The following PMFBP1 variants were observed in gnomAD, a reference collection of about 807,000 sequenced individuals.
PMFBP1 encodes polyamine-modulated factor 1-binding protein 1.
A neutral mutation model predicts 137.8 loss-of-function variants in PMFBP1; 131 were observed. The observed-to-expected ratio is 0.95, with a 90% CI of 0.82 to 1.10. The LOEUF (loss-of-function observed/expected upper bound fraction) is 1.10. PMFBP1 is among the 50% of genes least tolerant of loss of function. PMFBP1 has a pLI of 0.00. For missense variants in PMFBP1, 1,199 were observed against 1,175.4 expected, an observed-to-expected ratio of 1.02 and a Z score of -0.29; for synonymous variants, 490 against 450.4, an observed-to-expected ratio of 1.09 and a Z score of -1.11.
chr16:72,135,116 T>A (rs2042604025), intron 9 of PMFBP1, among the ~76,000 whole-genome samples: 1 of 152,166 alleles, frequency 6.6e-6, no homozygotes, highest in African/African-American at 2.4e-5. Context: ...GCATATCTCC[T>A]CTGTGCCTTG....
rs761435002 is a variant in PMFBP1 at position 72,124,786 on chromosome 16, A to G, written c.2570T>C (p.Leu857Pro). Residue 857 changes from leucine to proline, a missense_variant, in exon 17 of 21, where the codon CTC (leucine) becomes CCC (proline). By Grantham distance (98) the Leu-to-Pro change is moderately conservative. Transcript: ENST00000237353. ...QEEMAALKEN[L>P]LEDDKEPCCL... ...GCCCACCTCCTTATCGTCCTCAAGG[A>G]GGTTCTCTTTTAAGGCGGCCATCTC... 3 of 1,613,944 alleles carry G rather than the reference A, an allele frequency of 1.9e-6. No homozygotes were observed. Among genetic ancestry groups the G allele is most frequent in the East Asian group, 2.2e-5 (1 of 44,868 alleles).
At chr16:72,218,824 T>C in the PMFBP1 span, among the ~76,000 whole-genome samples, 4 of 152,038 alleles carry the variant, frequency 2.6e-5, no homozygotes, top group Non-Finnish European at 5.9e-5. Context: ...AAATAAACCT[T>C]CAGGGAAAAG....
At position 72,154,397 on chromosome 16, in the gene PMFBP1, T is replaced by C. The variant is rs1243643922; in HGVS notation, c.228A>G (p.Lys76=). 1 of 1,614,180 alleles carries C rather than the reference T, an allele frequency of 6.2e-7. No individual in the cohort carries two copies. The highest frequency in any genetic ancestry group is 1.1e-5 in the South Asian group (1 of 91,078). Residue 76 remains lysine, a synonymous_variant, in exon 4 of 21, where the codon AAA becomes AAG. Coordinates refer to ENST00000237353, the MANE Select transcript of PMFBP1 (RefSeq NM_031293.3). ...EESEVEFGSS[K]QCHLRQLQQL... ...GCTGGAGTTGTCTCAGATGACACTG[T>C]TTACTGGACCCAAATTCCACCTCTG... is the stretch of plus-strand genomic sequence containing the variant.
At chr16:72,154,067 A>T in intron 4 of PMFBP1, 144 bp downstream of exon 4, 2 of 1,130,354 alleles carry the variant, frequency 1.8e-6, no homozygotes, top group African/African-American at 3.1e-5. Context: ...AAAAAGATCA[A>T]GAATTAAAGG....
At chr16:72,128,930 C>A in intron 13 of PMFBP1, 136 bp from the exon 14 acceptor site, 1 of 1,504,810 alleles carries the variant, frequency 6.6e-7, no homozygotes, top group Non-Finnish European at 9.0e-7. Flanking sequence ...CTCCCCTCCT[C>A]GCTGGCCTTT....
chr16:72,166,842 GA>G (rs2043151940), intron 2 of PMFBP1, among the ~76,000 whole-genome samples: 1 of 152,204 alleles, frequency 6.6e-6, no homozygotes, highest in South Asian at 2.1e-4. Flanking sequence ...TAGGCAAAGT[GA>G]CTTCAATAGT....
At chr16:72,243,484 C>A in the PMFBP1 span, among the ~76,000 whole-genome samples, 1 of 152,188 alleles carries the variant, frequency 6.6e-6, no homozygotes, top group Non-Finnish European at 1.5e-5. Context: ...TTGCATTCCA[C>A]CAATTGTGCA....
At chr16:72,228,959 A>C in the PMFBP1 span, among the ~76,000 whole-genome samples, 1 of 151,714 alleles carries the variant, frequency 6.6e-6, no homozygotes, top group Non-Finnish European at 1.5e-5. Flanking sequence ...ATCACCCGTA[A>C]TAAGCACAGT....
chr16:72,212,423 C>A, the PMFBP1 span, among the ~76,000 whole-genome samples: 1 of 151,560 alleles, frequency 6.6e-6, no homozygotes, highest in Non-Finnish European at 1.5e-5. Context: ...CAGCCTGTGG[C>A]CTGTTTCTAT....
At chr16:72,222,509 T>C in the PMFBP1 span, among the ~76,000 whole-genome samples, 1 of 152,034 alleles carries the variant, frequency 6.6e-6, no homozygotes, top group East Asian at 1.9e-4. Context: ...GGAAGACAGG[T>C]GCTGGTTAAG....
At chr16:72,189,685 T>C in the PMFBP1 span, among the ~76,000 whole-genome samples, 1 of 152,212 alleles carries the variant, frequency 6.6e-6, no homozygotes, top group African/African-American at 2.4e-5. Flanking sequence ...CAAGGGGTCT[T>C]CCTGCCTGCT....
In PMFBP1 at chr16:72,171,256, C is replaced by T. The variant is rs1168865046; in HGVS notation, c.-48G>A. The T allele has an allele frequency of 1.2e-6, 2 of 1,604,226 alleles. No homozygotes were observed. The highest frequency in any genetic ancestry group is 2.7e-5 in the African/African-American group (2 of 74,648). On this transcript the variant is annotated 5_prime_UTR_variant, in exon 2 of 21. Coordinates refer to ENST00000237353, the MANE Select transcript of PMFBP1 (RefSeq NM_031293.3). Reference sequence around the variant, plus strand: ...CCTTTAACCTTTAGTATTTTCTGAGCTTTGTTATAAACCTGAAAAAGTCCA... The same window carrying T: ...CCTTTAACCTTTAGTATTTTCTGAGTTTTGTTATAAACCTGAAAAAGTCCA...
At chr16:72,158,203 A>C (rs1001185103) in intron 3 of PMFBP1, among the ~76,000 whole-genome samples, 51 of 152,180 alleles carry the variant, frequency 3.4e-4, no homozygotes, top group African/African-American at 1.1e-3. Context: ...AGAGACAGAG[A>C]AAATGGACCC....
chr16:72,184,019 T>A, the PMFBP1 span, among the ~76,000 whole-genome samples: 2 of 152,150 alleles, frequency 1.3e-5, no homozygotes, highest in Non-Finnish European at 2.9e-5. Context: ...TAGAAATATT[T>A]TCTAGAAGCA....
chr16:72,123,423 G>T, intron 18 of PMFBP1, 123 bp downstream of exon 18: 1 of 798,956 alleles, frequency 1.3e-6, no homozygotes, highest in Non-Finnish European at 2.0e-6. Context: ...CTTGGGTGTG[G>T]GCTGAGACTG....
chr16:72,178,018 A>C (rs553660292), upstream of PMFBP1, among the ~76,000 whole-genome samples: 30 of 152,164 alleles, frequency 2.0e-4, no homozygotes, highest in Admixed American at 1.5e-3. Context: ...CAGCCTCCCA[A>C]GTAGCTGGGA....
the PMFBP1 span, among the ~76,000 whole-genome samples, chr16:72,234,992 T>C: frequency 1.3e-5 from 2 of 152,200 alleles, no homozygotes; most frequent in Admixed American, 1.3e-4. Flanking sequence ...ATTCTGTGGG[T>C]TGTACTTTCA....
intron 4 of PMFBP1, among the ~76,000 whole-genome samples, chr16:72,152,923 C>T (rs1270645905): frequency 6.6e-6 from 1 of 151,814 alleles, no homozygotes; most frequent in Non-Finnish European, 1.5e-5. Context: ...AGAATGGAAG[C>T]CCTGAGCTGA....
the PMFBP1 span, among the ~76,000 whole-genome samples, chr16:72,246,454 G>T: frequency 2.0e-5 from 3 of 152,024 alleles, no homozygotes; most frequent in Non-Finnish European, 2.9e-5. Flanking sequence ...AAGGCACATA[G>T]GTCCTTTGTG....
Sources: gnomAD v4.1 joint callset for allele counts (sites outside exome capture counted in the v4.1 genomes callset) on GRCh38, gnomAD v4.1.1 for gene constraint, MANE v1.5 for transcripts, NCBI Gene and HGNC (gene_info 2026-07-23, HGNC 2026-07-21) for gene names.